ZNF600: variants seen among roughly 807,000 people sequenced by gnomAD.
ZNF600 encodes zinc finger protein 600.
In ZNF600, 4 loss-of-function variants were observed where a neutral mutation model predicts 7.3. The ratio of observed to expected loss-of-function variants is 0.55; its 90% confidence interval spans 0.27 to 1.25. ZNF600 has a LOEUF of 1.25. Among genes scored for constraint, ZNF600 ranks in the 50% most tolerant of loss-of-function variants. The pLI, the probability that ZNF600 is intolerant of heterozygous loss-of-function variation, is 0.12. For synonymous variants in ZNF600, 290 were observed against 308.9 expected (o/e 0.94, Z 0.64); for missense variants, 911 against 922.1 (o/e 0.99, Z 0.16).
the ZNF600 span, chr19:52,801,256 G>A: frequency 6.2e-7 from 1 of 1,614,088 alleles, no homozygotes; most frequent in Non-Finnish European, 8.5e-7. Flanking sequence ...GAAGAATGGA[G>A]GGAATTATTT....
intron 2 of ZNF600, among the ~76,000 whole-genome samples, chr19:52,774,941 A>G (rs2062661202): frequency 6.6e-6 from 1 of 152,208 alleles, no homozygotes; most frequent in Non-Finnish European, 1.5e-5. Context: ...AAGTATAAAA[A>G]TAAAAAGGAA....
chr19:52,779,193 C>G lies in ZNF600; in HGVS notation c.-19-286G>C, dbSNP rs147655011. Among the ~76,000 whole-genome samples the G allele has an allele frequency of 1.5e-3, 224 of 152,312 alleles. 1 individual carries two copies. The highest frequency in any genetic ancestry group is 5.2e-3 in the African/African-American group (216 of 41,558). On this transcript the variant is annotated intron_variant, in intron 1 of 3. Coordinates refer to ENST00000648973, the Ensembl canonical transcript of ZNF600. The stretch of plus-strand genomic sequence containing the variant: ...TTCAGGGCACAAACCCATCCTTCAT[C>G]AATCCCCATCCAGAGGACAGCCCCT...
chr19:52,820,497 C>T, the ZNF600 span, among the ~76,000 whole-genome samples: 1 of 152,056 alleles, frequency 6.6e-6, no homozygotes, highest in Non-Finnish European at 1.5e-5. Flanking sequence ...CTTCTCCCCT[C>T]TCTGCTCTCC....
At chr19:52,803,052 C>T in the ZNF600 span, among the ~76,000 whole-genome samples, 1 of 151,606 alleles carries the variant, frequency 6.6e-6, no homozygotes, top group East Asian at 1.9e-4. Flanking sequence ...TGAGCCACCG[C>T]ACACGGCCGA....
At chr19:52,775,391 AAT>A (rs2062666216) in intron 2 of ZNF600, among the ~76,000 whole-genome samples, 1 of 151,946 alleles carries the variant, frequency 6.6e-6, no homozygotes, top group Non-Finnish European at 1.5e-5. Flanking sequence ...CTCTACTAAA[AAT>A]ACAAAAATTA....
the ZNF600 span, chr19:52,800,321 T>C: frequency 1.2e-6 from 2 of 1,613,944 alleles, no homozygotes; most frequent in Non-Finnish European, 1.7e-6. Context: ...CTGTAAGGCA[T>C]GAATCACTCC....
At chr19:52,774,186 T>C (rs774727362) in intron 3 of ZNF600, among the ~76,000 whole-genome samples, 2 of 151,806 alleles carry the variant, frequency 1.3e-5, no homozygotes, top group East Asian at 2.0e-4. Flanking sequence ...TCCCAGCACA[T>C]TGGGAGGCCG....
At chr19:52,771,713 G>A (rs1240724431) in intron 3 of ZNF600, among the ~76,000 whole-genome samples, 8 of 152,096 alleles carry the variant, frequency 5.3e-5, no homozygotes, top group Non-Finnish European at 8.8e-5. Flanking sequence ...TCTGACCTGA[G>A]GTGATCCACC....
chr19:52,791,802 G>A (rs1292820814), upstream of ZNF600, among the ~76,000 whole-genome samples: 10 of 152,174 alleles, frequency 6.6e-5, no homozygotes, highest in African/African-American at 2.2e-4. Flanking sequence ...CCTCCCCCAC[G>A]AGGCAGCAGT....
At chr19:52,816,757 G>A in the ZNF600 span, among the ~76,000 whole-genome samples, 7 of 151,724 alleles carry the variant, frequency 4.6e-5, no homozygotes, top group Admixed American at 1.3e-4. Flanking sequence ...CTTCAACCTG[G>A]GAGACAGAGG....
At chr19:52,775,842 C>T (rs1006157081) in intron 2 of ZNF600, among the ~76,000 whole-genome samples, 2 of 151,972 alleles carry the variant, frequency 1.3e-5, no homozygotes, top group African/African-American at 2.4e-5. Flanking sequence ...CCCTTCTCTA[C>T]TAAAAATACA....
upstream of ZNF600, among the ~76,000 whole-genome samples, chr19:52,791,055 CT>C (rs1188143979): frequency 6.6e-6 from 1 of 152,180 alleles, no homozygotes; most frequent in Non-Finnish European, 1.5e-5. Flanking sequence ...TTCAAATGCA[CT>C]ACCAAATCAG....
At chr19:52,825,160 T>C in the ZNF600 span, among the ~76,000 whole-genome samples, 75 of 152,190 alleles carry the variant, frequency 4.9e-4, 1 homozygote, top group African/African-American at 1.7e-3. Context: ...AATCAGTTTC[T>C]CAATAGCCCC....
chr19:52,803,544 T>C, the ZNF600 span, among the ~76,000 whole-genome samples: 1 of 152,134 alleles, frequency 6.6e-6, no homozygotes, highest in Non-Finnish European at 1.5e-5. Context: ...TTCTAAACAA[T>C]TCCCTCTTAA....
chr19:52,813,813 G>A, the ZNF600 span, among the ~76,000 whole-genome samples: 2,051 of 146,448 alleles, frequency 0.014, 365 homozygotes, highest in African/African-American at 0.051. Flanking sequence ...GTTTTGGGGG[G>A]TTTAGAGGTG....
the ZNF600 span, chr19:52,805,666 A>ATAAATAAATAAATAAC: frequency 1.5e-4 from 22 of 151,388 alleles, no homozygotes; most frequent in African/African-American, 4.8e-4. Context: ...AAATAAATAA[A>ATAAATAAATAAATAAC]TAAAGTTCTC....
intron 1 of ZNF600, among the ~76,000 whole-genome samples, chr19:52,782,337 A>G (rs909590552): frequency 1.3e-5 from 2 of 151,842 alleles, no homozygotes; most frequent in Non-Finnish European, 2.9e-5. Flanking sequence ...CAGCCTGACC[A>G]AGATGGAGAA....
intron 3 of ZNF600, among the ~76,000 whole-genome samples, chr19:52,770,576 G>A (rs944556177): frequency 2.3e-4 from 35 of 152,138 alleles, no homozygotes; most frequent in African/African-American, 8.0e-4. Flanking sequence ...TTCACTATGC[G>A]TAAGATATAA....
At chr19:52,787,568 CA>C (rs1047076212), upstream of ZNF600, among the ~76,000 whole-genome samples, 4 of 150,630 alleles carry the variant, frequency 2.7e-5, no homozygotes, top group African/African-American at 9.7e-5. Flanking sequence ...CTAACCCAAA[CA>C]AAAACAAGAC....
Sources: gnomAD v4.1 joint callset for allele counts (sites outside exome capture counted in the v4.1 genomes callset) on GRCh38, gnomAD v4.1.1 for gene constraint, MANE v1.5 for transcripts, NCBI Gene and HGNC (gene_info 2026-07-23, HGNC 2026-07-21) for gene names.